Variants in PCDH15 observed in about 807,000 individuals in gnomAD.
The protein encoded by PCDH15 is protocadherin related 15.
A neutral mutation model predicts 178.5 loss-of-function variants in PCDH15; 129 were observed. The ratio of observed to expected loss-of-function variants is 0.72; its 90% confidence interval spans 0.63 to 0.84. PCDH15 has a LOEUF of 0.84. Among genes scored for constraint, PCDH15 ranks in the 40% least tolerant of loss-of-function variants. The pLI is 0.00. For synonymous variants in PCDH15, 800 were observed against 732.0 expected, an observed-to-expected ratio of 1.09 and a Z score of -1.50; for missense variants, 2,230 against 2,099.9, an observed-to-expected ratio of 1.06 and a Z score of -1.21.
chr10:54,962,524 G>C (rs566294151), intron 2 of PCDH15, among the ~76,000 whole-genome samples: 382 of 152,306 alleles, frequency 2.5e-3, no homozygotes, highest in Middle Eastern at 0.01. Flanking sequence ...ACACTTTTGG[G>C]GGCTCTGTGG....
intron 20 of PCDH15, 114 bp from the exon 21 acceptor site, chr10:53,995,879 C>A: frequency 1.1e-6 from 1 of 931,248 alleles, no homozygotes; most frequent in Non-Finnish European, 1.7e-6. Context: ...TGTCAGCCTT[C>A]CATCCTCTCA....
Position 53,807,043 on chromosome 10 carries a change from T to C in PCDH15, c.4759A>G (p.Arg1587Gly), listed in dbSNP as rs1341552875. Reference protein sequence around the residue: ...TGEDSAPECQRNRLHHPSIHS... With the variant: ...TGEDSAPECQGNRLHHPSIHS... Reference sequence around the variant, plus strand: ...ATACTAGGATGGTGAAGACGGTTTCTCTGACATTCAGGAGCACTGTCTTCT... The same window carrying C: ...ATACTAGGATGGTGAAGACGGTTTCCCTGACATTCAGGAGCACTGTCTTCT... Residue 1587 changes from arginine to glycine, a missense_variant, in exon 38 of 38, where the codon AGA becomes GGA. Arg to Gly is a moderately radical substitution (Grantham distance 125). Coordinates refer to ENST00000644397, the MANE Select transcript of PCDH15 (RefSeq NM_001384140.1). 1 of 1,613,632 alleles carries C rather than the reference T, an allele frequency of 6.2e-7. No homozygotes were observed.
intron 2 of PCDH15, among the ~76,000 whole-genome samples, chr10:55,066,723 T>C (rs1841573916): frequency 6.6e-6 from 1 of 151,110 alleles, no homozygotes; most frequent in East Asian, 1.9e-4. Context: ...TTTATAAATA[T>C]TGTTCCTTTC....
chr10:55,376,270 C>T (rs950728334), intron 2 of PCDH15, among the ~76,000 whole-genome samples: 2 of 151,960 alleles, frequency 1.3e-5, no homozygotes, highest in African/African-American at 4.8e-5. Flanking sequence ...GTTTTCGATC[C>T]ACTTAGATAT....
chr10:54,926,953 CT>C (rs1021202524), intron 2 of PCDH15, among the ~76,000 whole-genome samples: 3 of 151,804 alleles, frequency 2.0e-5, no homozygotes, highest in Non-Finnish European at 4.4e-5. Flanking sequence ...TCTCAGAGTC[CT>C]TCAGTTCAGT....
At chr10:54,959,349 T>C (rs1838582707) in intron 2 of PCDH15, among the ~76,000 whole-genome samples, 1 of 152,010 alleles carries the variant, frequency 6.6e-6, no homozygotes, top group South Asian at 2.1e-4. Flanking sequence ...GAATGCCAAG[T>C]AATATATGTA....
chr10:54,924,107 G>A (rs1181905516), intron 2 of PCDH15, among the ~76,000 whole-genome samples: 1 of 137,918 alleles, frequency 7.3e-6, no homozygotes, highest in African/African-American at 2.5e-5. Flanking sequence ...TAAAATCATG[G>A]CAGAAAGTCA....
Position 55,069,568 on chromosome 10 carries a change from A to G in PCDH15, c.-80+97008T>C, listed in dbSNP as rs1245335626. Among the ~76,000 whole-genome samples the G allele has an allele frequency of 1.2e-4, 17 of 141,740 alleles. No individual in the cohort carries two copies. The Admixed American group carries it at 1.2e-3, about 10-fold the overall frequency. The allele number at this position is 141,740 out of a possible 152,430, so 93.0% of individuals were successfully genotyped here. A position where few individuals can be genotyped will look rare whatever the true frequency, so the allele number is the denominator to read the frequency against. The stretch of plus-strand genomic sequence containing the variant: ...TTGCGATAGTTTACTGAGAATGATG[A>G]TTTCCAGTTTCATCCATGTCCCTAC... On this transcript the variant is annotated intron_variant, in intron 2 of 5. Transcript: ENST00000458638.
chr10:55,092,673 C>T (rs1046816101), intron 2 of PCDH15, among the ~76,000 whole-genome samples: 1 of 151,702 alleles, frequency 6.6e-6, no homozygotes, highest in South Asian at 2.1e-4. Flanking sequence ...GACTAGAATG[C>T]ACCAATAAAA....
In PCDH15 at chr10:55,296,548, T is replaced by C. The variant is rs369914509; in HGVS notation, c.-156+23051A>G. ...AACCTGGGACGAAGACCAAGTATTA[T>C]AACAAAAGATTTTCCCATTACTCCT... On this transcript the variant is annotated intron_variant, in intron 1 of 5. Coordinates refer to the PCDH15 transcript ENST00000458638. 5.9e-5 allele frequency among the ~76,000 whole-genome samples: 9 copies of C among 152,286 alleles called. No individual in the cohort carries two copies. In the East Asian group the frequency reaches 1.7e-3, roughly 29 times the overall value.
At chr10:55,439,132 T>C (rs1304992154) in intron 2 of PCDH15, among the ~76,000 whole-genome samples, 1 of 152,120 alleles carries the variant, frequency 6.6e-6, no homozygotes, top group Non-Finnish European at 1.5e-5. Context: ...CTCGATCTCC[T>C]GACCTCGTGA....
At chr10:54,465,276 T>C (rs778843026) in intron 3 of PCDH15, among the ~76,000 whole-genome samples, 4 of 152,110 alleles carry the variant, frequency 2.6e-5, no homozygotes, top group Non-Finnish European at 4.4e-5. Context: ...TACTCTCTTG[T>C]GTCTATTTAG....
At chr10:55,384,437 A>C (rs186852289) in intron 2 of PCDH15, among the ~76,000 whole-genome samples, 1 of 152,162 alleles carries the variant, frequency 6.6e-6, no homozygotes, top group East Asian at 1.9e-4. Context: ...AAACACTAAT[A>C]ATGATGTTAT....
intron 2 of PCDH15, among the ~76,000 whole-genome samples, chr10:55,375,159 C>T (rs1487744386): frequency 6.6e-6 from 1 of 152,134 alleles, no homozygotes; most frequent in Non-Finnish European, 1.5e-5. Context: ...GAGTTTGCCA[C>T]AGCAAGTACT....
chr10:54,491,515 A>T (rs993516718), intron 3 of PCDH15, among the ~76,000 whole-genome samples: 3 of 152,130 alleles, frequency 2.0e-5, no homozygotes, highest in Non-Finnish European at 2.9e-5. Flanking sequence ...TATAGAGTAG[A>T]TGATTAGAAA....
intron 2 of PCDH15, among the ~76,000 whole-genome samples, chr10:54,585,128 T>C (rs2091357136): frequency 6.6e-6 from 1 of 152,128 alleles, no homozygotes; most frequent in Non-Finnish European, 1.5e-5. Context: ...ATAGGCTCTT[T>C]AAGTCTCTTT....
At chr10:54,472,348 T>A (rs1478733728) in intron 3 of PCDH15, among the ~76,000 whole-genome samples, 1 of 151,820 alleles carries the variant, frequency 6.6e-6, no homozygotes, top group Non-Finnish European at 1.5e-5. Context: ...GGGAATTAGG[T>A]TTATTAAGAA....
chr10:54,136,676 C>T (rs780874629), intron 14 of PCDH15, among the ~76,000 whole-genome samples: 2 of 152,102 alleles, frequency 1.3e-5, no homozygotes, highest in African/African-American at 2.4e-5. Flanking sequence ...ACCTTAAACT[C>T]GTATGAGTTA....
chr10:54,343,292 G>T (rs1187977917), intron 6 of PCDH15, among the ~76,000 whole-genome samples: 2 of 151,944 alleles, frequency 1.3e-5, no homozygotes, highest in Non-Finnish European at 2.9e-5. Flanking sequence ...GAGAGTGAGG[G>T]CATTCTCATG....
Sources: allele counts gnomAD v4.1 joint callset (sites outside exome capture counted in the v4.1 genomes callset), GRCh38; gene constraint gnomAD v4.1.1; transcripts MANE v1.5; gene names NCBI Gene and HGNC (gene_info 2026-07-23, HGNC 2026-07-21).